The following PKP4 variants were observed in gnomAD, a reference collection of about 807,000 sequenced individuals.
The protein encoded by PKP4 is plakophilin 4, also known as plakophilin-4.
In PKP4, 90 loss-of-function variants were observed where a neutral mutation model predicts 145.1. The ratio of observed to expected loss-of-function variants is 0.62; its 90% CI spans 0.52 to 0.74. The LOEUF (loss-of-function observed/expected upper bound fraction) is 0.74. PKP4 is among the 30% of genes least tolerant of loss of function. PKP4 has a pLI of 0.00. For synonymous variants in PKP4, 563 were observed against 577.2 expected, an observed-to-expected ratio of 0.98 and a Z score of 0.35; for missense variants, 1,340 against 1,482.7, an observed-to-expected ratio of 0.90 and a Z score of 1.58.
At position 158,517,687 on chromosome 2, in the gene PKP4, G is replaced by A. The variant is rs145785461; in HGVS notation, c.-5-15493G>A. Among the ~76,000 whole-genome samples the A allele has an allele frequency of 3.3e-5, 5 of 152,126 alleles. No individual in the cohort carries two copies. In the East Asian group the frequency reaches 9.7e-4, roughly 29 times the overall value. Reference sequence around the variant, plus strand: ...TCCCAGCACTTTGAGAGGCCCAGGCGGGTAGATAGGTTGAGTCTGGGGATT... The same window carrying A: ...TCCCAGCACTTTGAGAGGCCCAGGCAGGTAGATAGGTTGAGTCTGGGGATT... On this transcript the variant is annotated intron_variant, in intron 1 of 21. Transcript: ENST00000389759.
intron 1 of PKP4, among the ~76,000 whole-genome samples, chr2:158,465,584 CTA>C (rs775579316): frequency 6.6e-6 from 1 of 152,058 alleles, no homozygotes; most frequent in Non-Finnish European, 1.5e-5. Flanking sequence ...CTTTTATTCT[CTA>C]TGTAATTTGT....
chr2:158,532,427 A>T (rs1307070474), intron 1 of PKP4, among the ~76,000 whole-genome samples: 1 of 152,230 alleles, frequency 6.6e-6, no homozygotes, highest in Non-Finnish European at 1.5e-5. Flanking sequence ...GGCTAGTTTC[A>T]TGGTATGATA....
chr2:158,614,014 A>C (rs752894754), intron 4 of PKP4, among the ~76,000 whole-genome samples: 12 of 152,228 alleles, frequency 7.9e-5, no homozygotes, highest in Non-Finnish European at 1.2e-4. Context: ...AAATGCAATC[A>C]GGAAACCTTA....
At chr2:158,495,833 CTAAATAAA>C (rs144207416) in intron 1 of PKP4, among the ~76,000 whole-genome samples, 48,935 of 143,312 alleles carry the variant, frequency 0.34, 9,083 homozygotes, top group African/African-American at 0.47. Flanking sequence ...GACTCTGTCT[CTAAATAAA>C]TAAATAAATA....
intron 8 of PKP4, 77 bp downstream of exon 8, chr2:158,632,018 C>T (rs937421969): frequency 3.7e-6 from 5 of 1,336,608 alleles, no homozygotes; most frequent in Non-Finnish European, 5.3e-6. Context: ...GATTGGGTTC[C>T]CTGTTAGAAG....
chr2:158,522,822 G>A (rs2042518843), intron 1 of PKP4, among the ~76,000 whole-genome samples: 3 of 152,224 alleles, frequency 2.0e-5, no homozygotes, highest in African/African-American at 7.2e-5. Context: ...CACCTGGGAA[G>A]CGCAAGGGGT....
At chr2:158,627,064 T>C (rs1370929806) in intron 7 of PKP4, among the ~76,000 whole-genome samples, 2 of 152,180 alleles carry the variant, frequency 1.3e-5, no homozygotes, top group South Asian at 2.1e-4. Context: ...AGAATTTATA[T>C]TGAACTTGAT....
At chr2:158,600,113 T>C (rs2050101748) in intron 3 of PKP4, among the ~76,000 whole-genome samples, 1 of 152,264 alleles carries the variant, frequency 6.6e-6, no homozygotes, top group Non-Finnish European at 1.5e-5. Flanking sequence ...TGATTTTTCG[T>C]ATTAAAATGA....
intron 3 of PKP4, among the ~76,000 whole-genome samples, chr2:158,596,747 GT>G (rs1383425874): frequency 2.0e-5 from 3 of 152,172 alleles, no homozygotes; most frequent in Non-Finnish European, 4.4e-5. Context: ...GAGATCATCT[GT>G]CATGACACAG....
intron 15 of PKP4, among the ~76,000 whole-genome samples, chr2:158,665,670 T>C (rs956889559): frequency 6.6e-6 from 1 of 152,218 alleles, no homozygotes; most frequent in Non-Finnish European, 1.5e-5. Context: ...TTACTCTTTT[T>C]GGTTGTTTCA....
intron 1 of PKP4, among the ~76,000 whole-genome samples, chr2:158,463,652 C>G (rs970918198): frequency 2.6e-5 from 4 of 152,134 alleles, no homozygotes; most frequent in African/African-American, 7.2e-5. Context: ...GGGAGTTGGT[C>G]TAGATGCTCT....
At chr2:158,622,786 C>A (rs1379435684) in intron 6 of PKP4, among the ~76,000 whole-genome samples, 1 of 152,174 alleles carries the variant, frequency 6.6e-6, no homozygotes, top group East Asian at 1.9e-4. Context: ...TATATTTATT[C>A]TTTTGCTGTT....
intron 4 of PKP4, among the ~76,000 whole-genome samples, chr2:158,610,769 A>G (rs2051072232): frequency 6.6e-6 from 1 of 152,130 alleles, no homozygotes; most frequent in South Asian, 2.1e-4. Flanking sequence ...ACTTGAGTAG[A>G]TCTGTGTAAA....
intron 9 of PKP4, 127 bp downstream of exon 9, chr2:158,634,416 A>G (rs1428891108): frequency 4.8e-6 from 3 of 626,236 alleles, no homozygotes; most frequent in Non-Finnish European, 8.4e-6. Flanking sequence ...TTCCATATAT[A>G]TTAATACTTC....
At chr2:158,474,470 C>T (rs1228524471) in intron 1 of PKP4, among the ~76,000 whole-genome samples, 6 of 152,052 alleles carry the variant, frequency 3.9e-5, no homozygotes, top group South Asian at 2.1e-4. Flanking sequence ...AGAATTACAT[C>T]GGAAGTGTCA....
At chr2:158,670,442 C>T (rs903542173) in intron 17 of PKP4, among the ~76,000 whole-genome samples, 3 of 152,168 alleles carry the variant, frequency 2.0e-5, no homozygotes, top group Admixed American at 6.5e-5. Context: ...TCAAAGGCTC[C>T]ACCTCCTAAT....
intron 2 of PKP4, among the ~76,000 whole-genome samples, chr2:158,542,545 A>T (rs886259738): frequency 8.6e-5 from 13 of 151,816 alleles, no homozygotes; most frequent in Admixed American, 7.9e-4. Context: ...TAGTTGAATA[A>T]TTTTTTTTTA....
At chr2:158,669,423 G>T in intron 16 of PKP4, 2 of 223,986 alleles carry the variant, frequency 8.9e-6, no homozygotes, top group Admixed American at 5.7e-5. Flanking sequence ...ATACTCGAAC[G>T]AAAGTAACTT....
chr2:158,568,247 A>G (rs1187353540), intron 2 of PKP4, among the ~76,000 whole-genome samples: 5 of 152,212 alleles, frequency 3.3e-5, no homozygotes, highest in Non-Finnish European at 7.3e-5. Context: ...CTGAGGCAGG[A>G]GAATCACTTG....
Sources: gnomAD v4.1 joint callset for allele counts (sites outside exome capture counted in the v4.1 genomes callset) on GRCh38, gnomAD v4.1.1 for gene constraint, MANE v1.5 for transcripts, NCBI Gene and HGNC (gene_info 2026-07-23, HGNC 2026-07-21) for gene names.